Variants in NRXN3 observed in about 807,000 individuals in gnomAD.
The protein encoded by NRXN3 is neurexin III.
NRXN3 carries 32 observed loss-of-function variants against 137.6 expected under a neutral mutation model. That is an observed-to-expected ratio of 0.23 (90% CI 0.18 to 0.31). NRXN3 has a LOEUF of 0.31. Among genes scored for constraint, NRXN3 ranks in the 10% least tolerant of loss-of-function variants. The probability of loss-of-function intolerance (pLI) is 1.00; values close to 1 mark genes in which losing one functional copy is unlikely to be tolerated. For synonymous variants in NRXN3, 798 were observed against 784.5 expected (o/e 1.02, Z -0.29); for missense variants, 1,574 against 2,062.5 (o/e 0.76, Z 4.59).
chr14:78,578,667 C>A (rs2096961039), intron 4 of NRXN3, among the ~76,000 whole-genome samples: 1 of 151,934 alleles, frequency 6.6e-6, no homozygotes, highest in Non-Finnish European at 1.5e-5. Context: ...CTGGAGAACA[C>A]CAAAAAGATG....
chr14:79,820,831 C>CA (rs1189019307), intron 20 of NRXN3, among the ~76,000 whole-genome samples: 1 of 152,172 alleles, frequency 6.6e-6, no homozygotes, highest in Admixed American at 6.5e-5. Context: ...CATATATAAA[C>CA]ATGGGGCAAA....
chr14:79,321,572 G>A (rs2090027598), intron 15 of NRXN3, among the ~76,000 whole-genome samples: 1 of 151,812 alleles, frequency 6.6e-6, no homozygotes, highest in South Asian at 2.1e-4. Flanking sequence ...GAGTTCAGTT[G>A]AATTATTTTA....
chr14:79,491,629 G>A (rs1170037320), intron 16 of NRXN3, among the ~76,000 whole-genome samples: 1 of 150,900 alleles, frequency 6.6e-6, no homozygotes, highest in Non-Finnish European at 1.5e-5. Context: ...AAAAGAAATG[G>A]CTACTTTTCA....
intron 8 of NRXN3, among the ~76,000 whole-genome samples, chr14:78,798,752 G>A (rs2098829998): frequency 6.6e-6 from 1 of 152,192 alleles, no homozygotes; most frequent in African/African-American, 2.4e-5. Context: ...CTAGGTGGAG[G>A]CTCCCAAACC....
rs117008357 is a variant in NRXN3 at position 79,582,037 on chromosome 14, G to A, written c.3445-81741G>A. On this transcript the variant is annotated intron_variant, in intron 16 of 20. Transcript: ENST00000335750. ...GGCCTCCCAGGCTCGTGATTCACCT[G>A]CCTCAGCCTTCCCAGTAGCTAGGAC... 0.022 allele frequency among the ~76,000 whole-genome samples: 3,292 copies of A among 152,252 alleles called. 198 individuals are homozygous for A. In the East Asian group the frequency reaches 0.24, roughly 11 times the overall value.
chr14:79,580,451 T>TTC lies in NRXN3; in HGVS notation c.3445-83327_3445-83326insTC, dbSNP rs1179481966. On this transcript the variant is annotated intron_variant, in intron 16 of 20. Coordinates refer to ENST00000335750, the MANE Select transcript of NRXN3 (RefSeq NM_001330195.2). ...AAAGATTATGTTTTTTTTTTTTTTT[T>TTC]CATAACTCAGCATCTTTGTGAGCTA... Among the ~76,000 whole-genome samples, 778 of 147,546 alleles carry TTC rather than the reference T, an allele frequency of 5.3e-3. 4 individuals carry two copies. Among genetic ancestry groups the TTC allele is most frequent in the African/African-American group, 0.02 (757 of 38,734 alleles).
intron 8 of NRXN3, among the ~76,000 whole-genome samples, chr14:78,716,935 G>A (rs1468533453): frequency 2.6e-5 from 4 of 152,204 alleles, no homozygotes; most frequent in Non-Finnish European, 5.9e-5. Context: ...AGGCCACAAG[G>A]GGCTGGTCAG....
At chr14:78,569,356 C>G (rs563235847) in intron 4 of NRXN3, among the ~76,000 whole-genome samples, 33 of 150,656 alleles carry the variant, frequency 2.2e-4, no homozygotes, top group African/African-American at 7.8e-4. Context: ...AGCTCCGCCT[C>G]CCGGGTTCAC....
At chr14:78,335,035 G>A (rs902119488) in intron 4 of NRXN3, among the ~76,000 whole-genome samples, 3 of 152,068 alleles carry the variant, frequency 2.0e-5, no homozygotes, top group East Asian at 1.9e-4. Flanking sequence ...ATAAATGAGG[G>A]GAGGCGTCAT....
At chr14:78,634,174 C>T (rs1046491947) in intron 4 of NRXN3, among the ~76,000 whole-genome samples, 1 of 152,230 alleles carries the variant, frequency 6.6e-6, no homozygotes, top group African/African-American at 2.4e-5. Flanking sequence ...ACGTGTCTTC[C>T]ATATCCCTCA....
At chr14:79,696,235 C>A (rs183765363) in intron 18 of NRXN3, among the ~76,000 whole-genome samples, 27 of 151,970 alleles carry the variant, frequency 1.8e-4, no homozygotes, top group Admixed American at 1.7e-3. Context: ...AAAGCCCAAA[C>A]GTGACAATAT....
chr14:79,092,463 G>T (rs546153879), intron 15 of NRXN3, among the ~76,000 whole-genome samples: 5 of 152,204 alleles, frequency 3.3e-5, no homozygotes, highest in Admixed American at 1.3e-4. Flanking sequence ...CATTTGCTCT[G>T]ACTTTACAAA....
chr14:78,666,944 T>A (rs2097892047), intron 6 of NRXN3, among the ~76,000 whole-genome samples: 1 of 152,140 alleles, frequency 6.6e-6, no homozygotes, highest in Non-Finnish European at 1.5e-5. Context: ...TTAACCAGAG[T>A]AGTCTTTTCC....
chr14:78,724,589 T>C (rs1366119873), intron 8 of NRXN3, among the ~76,000 whole-genome samples: 1 of 152,218 alleles, frequency 6.6e-6, no homozygotes, highest in Non-Finnish European at 1.5e-5. Context: ...TCCTATTTAT[T>C]GGCTTTTTCA....
intron 10 of NRXN3, among the ~76,000 whole-genome samples, chr14:78,913,085 A>T (rs1406445182): frequency 6.6e-6 from 1 of 152,154 alleles, no homozygotes; most frequent in Non-Finnish European, 1.5e-5. Flanking sequence ...AACACTAAAC[A>T]AGATACTAAT....
intron 10 of NRXN3, among the ~76,000 whole-genome samples, chr14:78,826,391 G>T (rs2098966679): frequency 6.6e-6 from 1 of 152,062 alleles, no homozygotes; most frequent in South Asian, 2.1e-4. Context: ...AATCTGCCTG[G>T]GTAGGCAAGA....
chr14:78,380,244 C>T (rs10873316), intron 4 of NRXN3, among the ~76,000 whole-genome samples: 148,384 of 149,932 alleles, frequency 0.99, 73,439 homozygotes, highest in East Asian at 1. Flanking sequence ...CAGCTTGCAG[C>T]GAGCCGAGAT....
chr14:79,517,818 A>G (rs1281676378), intron 16 of NRXN3, among the ~76,000 whole-genome samples: 1 of 150,544 alleles, frequency 6.6e-6, no homozygotes, highest in African/African-American at 2.4e-5. Flanking sequence ...CAATTCTGAA[A>G]CCTGTACAAT....
chr14:79,553,823 G>A (rs558723553), intron 16 of NRXN3, among the ~76,000 whole-genome samples: 9 of 152,288 alleles, frequency 5.9e-5, no homozygotes, highest in Admixed American at 4.6e-4. Context: ...TGTCAAAAAT[G>A]TTCTAAGTCT....
Sources: allele counts gnomAD v4.1 joint callset (sites outside exome capture counted in the v4.1 genomes callset), GRCh38; gene constraint gnomAD v4.1.1; transcripts MANE v1.5; gene names NCBI Gene and HGNC (gene_info 2026-07-23, HGNC 2026-07-21).